EGF: variants seen among roughly 807,000 people sequenced by gnomAD.
EGF encodes pro-epidermal growth factor.
A neutral mutation model predicts 143.8 loss-of-function variants in EGF; 95 were observed. That is an observed-to-expected ratio of 0.66 (90% CI 0.56 to 0.78). The LOEUF (loss-of-function observed/expected upper bound fraction) is 0.78, where lower values mean the gene tolerates loss of function less well. Among genes scored for constraint, EGF ranks in the 30% least tolerant of loss-of-function variants. The probability of loss-of-function intolerance (pLI) is 0.00; values close to 1 mark genes in which losing one functional copy is unlikely to be tolerated. For missense variants in EGF, 1,320 were observed against 1,470.9 expected (o/e 0.90, Z 1.68); for synonymous variants, 510 against 510.5 (o/e 1.00, Z 0.01).
intron 1 of EGF, among the ~76,000 whole-genome samples, chr4:109,925,983 A>C (rs1431188540): frequency 6.6e-6 from 1 of 152,206 alleles, no homozygotes; most frequent in Non-Finnish European, 1.5e-5. Flanking sequence ...AAACAAGACT[A>C]GTCTCTTTAT....
chr4:109,919,450 C>A (rs115624715), intron 1 of EGF, among the ~76,000 whole-genome samples: 1,668 of 151,968 alleles, frequency 0.011, 27 homozygotes, highest in African/African-American at 0.036. Flanking sequence ...AGTGCCTTTA[C>A]TTTGGCTTGA....
intron 22 of EGF, among the ~76,000 whole-genome samples, chr4:110,005,302 T>A (rs1326991570): frequency 7.9e-5 from 12 of 151,970 alleles, no homozygotes; most frequent in Admixed American, 7.9e-4. Context: ...TGCCCGGGCC[T>A]CTCAAAGTGC....
rs546889334 is a variant in EGF, at chr4:109,959,806, G to A, written c.1066+369G>A. ...GGGAGTGGTTTCATAGGGATCGTAA[G>A]AGTCTCAAAGAGTCTGTGACTCCTA... On this transcript the variant is annotated intron_variant, in intron 6 of 23. Transcript: ENST00000265171. Among the ~76,000 whole-genome samples, 25 of 152,184 alleles carry A rather than the reference G, an allele frequency of 1.6e-4. No homozygotes were observed. In the South Asian group the frequency reaches 4.8e-3, roughly 29 times the overall value.
chr4:109,965,899 A>G (rs1434276986), intron 10 of EGF, among the ~76,000 whole-genome samples: 1 of 152,134 alleles, frequency 6.6e-6, no homozygotes, highest in Non-Finnish European at 1.5e-5. Flanking sequence ...TTTAGAAAGA[A>G]GAGTAACCCA....
intron 13 of EGF, 74 bp from the exon 14 acceptor site, chr4:109,979,898 C>A: frequency 6.4e-7 from 1 of 1,568,080 alleles, no homozygotes; most frequent in South Asian, 1.1e-5. Context: ...GTGTAAATTT[C>A]AAGCCTTGTC....
At chr4:109,974,166 G>A (rs2126097758) in intron 11 of EGF, among the ~76,000 whole-genome samples, 1 of 152,254 alleles carries the variant, frequency 6.6e-6, no homozygotes, top group South Asian at 2.1e-4. Flanking sequence ...TTTTATATCA[G>A]GGAATTGAGC....
At chr4:109,963,472 G>A (rs149166157) in intron 9 of EGF, among the ~76,000 whole-genome samples, 174 bp downstream of exon 9, 1 of 152,188 alleles carries the variant, frequency 6.6e-6, no homozygotes, top group African/African-American at 2.4e-5. Context: ...TAGTAACCAG[G>A]CTTTTAAAGA....
chr4:109,955,576 G>A (rs753761072), intron 5 of EGF, among the ~76,000 whole-genome samples: 2 of 152,172 alleles, frequency 1.3e-5, no homozygotes, highest in African/African-American at 4.8e-5. Context: ...GAGTGATTGT[G>A]TATTGTTAAT....
chr4:109,922,028 T>C (rs1737890970), intron 1 of EGF, among the ~76,000 whole-genome samples: 1 of 151,514 alleles, frequency 6.6e-6, no homozygotes, highest in African/African-American at 2.4e-5. Flanking sequence ...TTTTCTCCCT[T>C]CCTCTGAAGT....
chr4:110,003,532 T>C (rs980110033), intron 21 of EGF, among the ~76,000 whole-genome samples: 7 of 152,186 alleles, frequency 4.6e-5, no homozygotes, highest in African/African-American at 1.7e-4. Context: ...CTTATCACTC[T>C]TCCTGGAACG....
chr4:109,987,683 T>G (rs1750332705), intron 16 of EGF, 61 bp from the exon 17 acceptor site: 2 of 1,382,214 alleles, frequency 1.4e-6, no homozygotes, highest in Admixed American at 3.4e-5. Context: ...ACCAGAAGAT[T>G]AAAGTCCGTT....
chr4:109,971,367 G>A (rs916579445), intron 11 of EGF, among the ~76,000 whole-genome samples: 3 of 152,070 alleles, frequency 2.0e-5, no homozygotes, highest in Non-Finnish European at 4.4e-5. Context: ...TTTAAATGTC[G>A]GCTGTGTATA....
chr4:109,946,040 C>G (rs1384265447), intron 5 of EGF, among the ~76,000 whole-genome samples: 2 of 152,176 alleles, frequency 1.3e-5, no homozygotes, highest in Admixed American at 1.3e-4. Flanking sequence ...GTGGCATATT[C>G]TGGGATCTTA....
rs1009067759 is a variant in EGF, at chr4:109,945,128, A to G, written c.793A>G (p.Lys265Glu). 1 of 1,614,026 alleles carries G rather than the reference A, an allele frequency of 6.2e-7. No individual in the cohort carries two copies. Among genetic ancestry groups the G allele is most frequent in the Non-Finnish European group, 8.5e-7 (1 of 1,180,020 alleles). ...TGACCGTATCTTCTATTCAACATGG[A>G]AAATGAAGACAATTTGGATAGCCAA... The part of the protein sequence containing the change: ...FGDRIFYSTW[K>E]MKTIWIANKH... The change falls in exon 5 of 24, where the codon AAA becomes GAA. Residue 265 changes from lysine to glutamate, a missense_variant. This residue lies in a region of EGF where 1,186 missense variants were observed against 1,313.7 expected (regional missense o/e 0.90). Coordinates refer to ENST00000265171, the MANE Select transcript of EGF (RefSeq NM_001963.6).
Position 109,975,997 on chromosome 4 carries a change from C to T in EGF, c.1830-15C>T. ...TCATGCAGATATTATTTGTTGTGTG[C>T]TTTCTTGATTAAAGGAGATTATTCT... is the stretch of plus-strand genomic sequence containing the variant. On this transcript the variant is annotated splice_polypyrimidine_tract_variant and intron_variant, in intron 12 of 23. Coordinates refer to ENST00000265171, the MANE Select transcript of EGF (RefSeq NM_001963.6). 1 of 1,607,604 alleles carries T rather than the reference C, an allele frequency of 6.2e-7. No homozygotes were observed. Among genetic ancestry groups the T allele is most frequent in the Non-Finnish European group, 8.5e-7 (1 of 1,174,242 alleles).
chr4:109,966,791 AGTGATGTTAAGCATTTTTTCAT>A (rs1746677605), intron 10 of EGF, among the ~76,000 whole-genome samples: 1 of 152,128 alleles, frequency 6.6e-6, no homozygotes, highest in South Asian at 2.1e-4. Context: ...TCTGATGACT[AGTGATGTTAAGCATTTTTTCAT>A]ATGTTTGTAG....
Position 109,939,183 on chromosome 4 carries a change from C to T in EGF, c.128-1763C>T, listed in dbSNP as rs1001057644. ...GAGCTGCGTTGGGCTCTGCCCAGTT[C>T]GAGCTTCCCTGCCTCTTTGTTTACA... On this transcript the variant is annotated intron_variant, in intron 1 of 23. Coordinates refer to ENST00000265171, the MANE Select transcript of EGF (RefSeq NM_001963.6). Among the ~76,000 whole-genome samples, 13 of 152,238 alleles carry T rather than the reference C, an allele frequency of 8.5e-5. No individual in the cohort carries two copies. The South Asian group carries it at 1.4e-3, about 17-fold the overall frequency.
chr4:109,948,195 G>A lies in EGF; in HGVS notation c.940+2920G>A, dbSNP rs150049518. Reference sequence around the variant, plus strand: ...CAGCTGCAGAGCCACAGACAAATCTGGAACCTGGAAGACAGTTGGCATTGG... The same window carrying A: ...CAGCTGCAGAGCCACAGACAAATCTAGAACCTGGAAGACAGTTGGCATTGG... On this transcript the variant is annotated intron_variant, in intron 5 of 23. Transcript: ENST00000265171. 6.9e-3 allele frequency among the ~76,000 whole-genome samples: 1,055 copies of A among 152,334 alleles called. 4 individuals carry two copies. The highest frequency in any genetic ancestry group is 0.011 in the Non-Finnish European group (781 of 68,036).
At position 109,976,117 on chromosome 4, in the gene EGF, T is replaced by C; in HGVS notation, c.1935T>C (p.Ser645=). The C allele has an allele frequency of 1.2e-6, 2 of 1,614,104 alleles. No individual in the cohort carries two copies. The highest frequency in any genetic ancestry group is 1.7e-6 in the Non-Finnish European group (2 of 1,179,978). ...VIASSDLIWP[S]GITIDFLTDK... ...CCAGCTCTGATCTAATCTGGCCCAG[T>C]GGAATAACGATTGACTTCTTAACTG... is the stretch of plus-strand genomic sequence containing the variant. Residue 645 remains serine, a synonymous_variant, in exon 13 of 24, where the codon AGT becomes AGC. Coordinates refer to ENST00000265171, the MANE Select transcript of EGF (RefSeq NM_001963.6).
Sources: allele counts gnomAD v4.1 joint callset (sites outside exome capture counted in the v4.1 genomes callset), GRCh38; gene constraint gnomAD v4.1.1; regional missense constraint gnomAD v4.1.1; transcripts MANE v1.5; gene names NCBI Gene and HGNC (gene_info 2026-07-23, HGNC 2026-07-21).